Variants in SEMA5A observed in about 807,000 individuals in gnomAD.
SEMA5A encodes semaphorin 5A.
In SEMA5A, 55 loss-of-function variants were observed where a neutral mutation model predicts 135.5. That is an observed-to-expected ratio of 0.41 (90% CI 0.33 to 0.51). SEMA5A has a LOEUF of 0.51. Ranked by LOEUF, SEMA5A falls within the 20% of genes least tolerant of loss-of-function variation. The probability of loss-of-function intolerance (pLI) is 0.37; values close to 1 mark genes in which losing one functional copy is unlikely to be tolerated. For missense variants in SEMA5A, 1,290 were observed against 1,419.9 expected (o/e 0.91, Z 1.47); for synonymous variants, 580 against 546.5 (o/e 1.06, Z -0.85).
chr5:9,162,862 G>A (rs1034178730), intron 11 of SEMA5A, among the ~76,000 whole-genome samples: 1 of 152,018 alleles, frequency 6.6e-6, no homozygotes, highest in African/African-American at 2.4e-5. Context: ...ATTTCCAAAG[G>A]TCAGACTACT....
intron 18 of SEMA5A, among the ~76,000 whole-genome samples, chr5:9,062,520 C>T (rs936994701): frequency 3.3e-5 from 5 of 152,160 alleles, no homozygotes; most frequent in Non-Finnish European, 7.3e-5. Context: ...GGGTGGAGTG[C>T]AGTGGCCTGA....
intron 2 of SEMA5A, among the ~76,000 whole-genome samples, chr5:9,425,990 A>G (rs1026664406): frequency 1.3e-5 from 2 of 152,200 alleles, no homozygotes; most frequent in Non-Finnish European, 2.9e-5. Context: ...TAGAACCTGC[A>G]TGCTTGTTGA....
chr5:9,115,204 G>T lies in SEMA5A; in HGVS notation c.1925+3794C>A, dbSNP rs573035976. 2.6e-5 allele frequency among the ~76,000 whole-genome samples: 4 copies of T among 152,262 alleles called. No individual in the cohort carries two copies. In the South Asian group the frequency reaches 6.2e-4, roughly 24 times the overall value. On this transcript the variant is annotated intron_variant, in intron 15 of 22. Coordinates refer to ENST00000382496, the MANE Select transcript of SEMA5A (RefSeq NM_003966.3). The stretch of plus-strand genomic sequence containing the variant: ...GGGACAGAGAAAATACACATGAAAG[G>T]CTGCTGGAAACCCTGCACATTCTAC...
intron 20 of SEMA5A, 95 bp from the exon 21 acceptor site, chr5:9,050,552 G>T: frequency 9.9e-7 from 1 of 1,013,834 alleles, no homozygotes; most frequent in Non-Finnish European, 1.4e-6. Flanking sequence ...GATTCTGAAT[G>T]TTATGTGACA....
intron 5 of SEMA5A, among the ~76,000 whole-genome samples, chr5:9,311,851 T>G (rs1283760825): frequency 6.6e-6 from 1 of 152,188 alleles, no homozygotes; most frequent in African/African-American, 2.4e-5. Context: ...GATTTAAGTT[T>G]TCAATTTAGA....
chr5:9,473,906 GA>G (rs2126761530), intron 1 of SEMA5A, among the ~76,000 whole-genome samples: 1 of 152,264 alleles, frequency 6.6e-6, no homozygotes, highest in East Asian at 1.9e-4. Context: ...GCAGAGCTGT[GA>G]ATCAGTGATC....
At chr5:9,095,264 G>A (rs952442002) in intron 16 of SEMA5A, among the ~76,000 whole-genome samples, 2 of 152,082 alleles carry the variant, frequency 1.3e-5, no homozygotes, top group Non-Finnish European at 2.9e-5. Flanking sequence ...CTGGGGCTGG[G>A]AAGGGATAGC....
chr5:9,161,528 C>A (rs988887279), intron 11 of SEMA5A, among the ~76,000 whole-genome samples: 1 of 152,118 alleles, frequency 6.6e-6, no homozygotes, highest in East Asian at 1.9e-4. Flanking sequence ...ATATTTGGAT[C>A]TTTTATATGA....
At chr5:9,497,563 G>C (rs73036779) in intron 1 of SEMA5A, among the ~76,000 whole-genome samples, 2 of 152,148 alleles carry the variant, frequency 1.3e-5, no homozygotes, top group Non-Finnish European at 2.9e-5. Context: ...GATAAAGACT[G>C]TGTTTGCAAA....
At chr5:9,431,434 A>G (rs1411925951) in intron 2 of SEMA5A, among the ~76,000 whole-genome samples, 1 of 152,224 alleles carries the variant, frequency 6.6e-6, no homozygotes, top group Non-Finnish European at 1.5e-5. Flanking sequence ...GGTTTAACCA[A>G]TAGTGGTTAC....
At chr5:9,263,501 T>C (rs1262928043) in intron 5 of SEMA5A, among the ~76,000 whole-genome samples, 2 of 152,116 alleles carry the variant, frequency 1.3e-5, no homozygotes, top group East Asian at 3.9e-4. Context: ...CATCCCAAAA[T>C]CAACACCCAC....
intron 6 of SEMA5A, among the ~76,000 whole-genome samples, chr5:9,228,882 T>C (rs73046672): frequency 0.028 from 4,203 of 152,320 alleles, 132 homozygotes; most frequent in African/African-American, 0.071. Flanking sequence ...ACCCCCACTC[T>C]AGATGAAAGT....
rs1261635227 is a variant in SEMA5A, at chr5:9,038,558, AT to A, written c.*4338del. The A allele has an allele frequency of 6.6e-6, 1 of 152,214 alleles. No individual in the cohort carries two copies. The highest frequency in any genetic ancestry group is 2.4e-5 in the African/African-American group (1 of 41,468). The allele number at this position is 152,214 out of a possible 1,614,324, so 9.4% of individuals were successfully genotyped here. Reference sequence around the variant, plus strand: ...CAAAAGGAACACTGCAAATAAGCAAATGAATATTTGTAAATTCAAATGCTAA... The same window carrying A: ...CAAAAGGAACACTGCAAATAAGCAAAGAATATTTGTAAATTCAAATGCTAA... On this transcript the variant is annotated 3_prime_UTR_variant, in exon 23 of 23. Coordinates refer to ENST00000382496, the MANE Select transcript of SEMA5A (RefSeq NM_003966.3).
intron 8 of SEMA5A, among the ~76,000 whole-genome samples, chr5:9,211,974 C>G (rs1401666117): frequency 6.6e-6 from 1 of 152,154 alleles, no homozygotes; most frequent in East Asian, 1.9e-4. Flanking sequence ...GTGGAGTTCC[C>G]TGGGAGAACT....
chr5:9,062,111 G>C (rs1412348083), intron 18 of SEMA5A, among the ~76,000 whole-genome samples: 2 of 152,156 alleles, frequency 1.3e-5, no homozygotes, highest in Non-Finnish European at 1.5e-5. Context: ...TATCCTTCGA[G>C]TAGCTCATAG....
chr5:9,328,665 A>T (rs978559135), intron 4 of SEMA5A, among the ~76,000 whole-genome samples: 3 of 152,044 alleles, frequency 2.0e-5, no homozygotes, highest in African/African-American at 7.2e-5. Flanking sequence ...AATCTCAGCT[A>T]CTCGGGAGGC....
chr5:9,459,895 T>G (rs1758992021), intron 1 of SEMA5A, among the ~76,000 whole-genome samples: 1 of 152,234 alleles, frequency 6.6e-6, no homozygotes, highest in African/African-American at 2.4e-5. Flanking sequence ...TTAAGCTTCT[T>G]TTTAATTACA....
At chr5:9,369,407 A>G (rs1441022500) in intron 3 of SEMA5A, among the ~76,000 whole-genome samples, 2 of 152,192 alleles carry the variant, frequency 1.3e-5, no homozygotes, top group Non-Finnish European at 2.9e-5. Flanking sequence ...CTAGCTAAAA[A>G]ATCTTTCCTA....
At chr5:9,072,505 A>G (rs959096833) in intron 16 of SEMA5A, among the ~76,000 whole-genome samples, 1 of 152,188 alleles carries the variant, frequency 6.6e-6, no homozygotes, top group Non-Finnish European at 1.5e-5. Flanking sequence ...AGGAATAGGG[A>G]AAGATCTGCC....
Sources: allele counts gnomAD v4.1 joint callset (sites outside exome capture counted in the v4.1 genomes callset), GRCh38; gene constraint gnomAD v4.1.1; transcripts MANE v1.5; gene names NCBI Gene and HGNC (gene_info 2026-07-23, HGNC 2026-07-21).